Variants in STAT3 observed in about 807,000 individuals in gnomAD.
The protein encoded by STAT3 is signal transducer and activator of transcription 3, also known as DNA-binding protein APRF.
Under a neutral mutation model 114.3 loss-of-function variants are expected in STAT3, and 7 were observed. The ratio of observed to expected loss-of-function variants is 0.06; its 90% CI spans 0.03 to 0.11. The LOEUF is 0.11. STAT3 is among the 10% of genes least tolerant of loss of function. The pLI is 1.00. For synonymous variants in STAT3, 331 were observed against 354.5 expected, an observed-to-expected ratio of 0.93 and a Z score of 0.74; for missense variants, 364 against 960.9, an observed-to-expected ratio of 0.38 and a Z score of 8.21.
chr17:42,316,163 C>T, intron 23 of STAT3: 3 of 935,066 alleles, frequency 3.2e-6, no homozygotes, highest in Non-Finnish European at 4.2e-6. Flanking sequence ...CTGTGGCTGT[C>T]AAAAGCCCAC....
chr17:42,342,165 G>A lies in STAT3; in HGVS notation c.373-2756C>T, dbSNP rs1435228032. ...GTTACCTACCACCTCGCTCACACCT[G>A]AGCATATCAGTTTTCTGCTTAAAAT... On this transcript the variant is annotated intron_variant, in intron 4 of 23. Coordinates refer to ENST00000264657, the MANE Select transcript of STAT3 (RefSeq NM_139276.3). Among the ~76,000 whole-genome samples the A allele has an allele frequency of 5.3e-5, 8 of 152,214 alleles. No homozygotes were observed. The East Asian group carries it at 1.5e-3, about 29-fold the overall frequency.
rs1406579500 is a variant in STAT3 at position 42,388,397 on chromosome 17, G to T, written c.-142C>A. The T allele has an allele frequency of 2.4e-6, 3 of 1,231,666 alleles. No homozygotes were observed. The highest frequency in any genetic ancestry group is 3.0e-6 in the Non-Finnish European group (3 of 987,890). 76.3% of individuals were successfully genotyped at this position (1,231,666 alleles called of 1,614,324 possible). On this transcript the variant is annotated 5_prime_UTR_variant, in exon 1 of 24. Coordinates refer to ENST00000264657, the MANE Select transcript of STAT3 (RefSeq NM_139276.3). ...AGGGGGAGAGACAGCGCCAAGCCGG[G>T]GTGCCTGTCCAGGATCCGGTTGGGG...
chr17:42,326,817 CTCAA>C (rs1223542696), intron 14 of STAT3, among the ~76,000 whole-genome samples: 1 of 152,108 alleles, frequency 6.6e-6, no homozygotes, highest in Admixed American at 6.5e-5. Context: ...GAGACTCTGT[CTCAA>C]TCAATCAGTC....
rs531812765 is a variant in STAT3, at chr17:42,345,457, C to A, written c.372+102G>T. On this transcript the variant is annotated intron_variant, in intron 4 of 23. Coordinates refer to ENST00000264657, the MANE Select transcript of STAT3 (RefSeq NM_139276.3). ...TTATGATTATTGATCTATTTAATTT[C>A]TTTTCCTTCTTTTTTAGTAGATCTA... 12 of 1,000,124 alleles carry A rather than the reference C, an allele frequency of 1.2e-5. No individual in the cohort carries two copies. The East Asian group carries it at 2.6e-4, about 22-fold the overall frequency. 62.0% of individuals were successfully genotyped at this position (1,000,124 alleles called of 1,614,324 possible). A position where few individuals can be genotyped will look rare whatever the true frequency, so the allele number is the denominator to read the frequency against.
chr17:42,313,814 T>C lies in STAT3; in HGVS notation c.*1931A>G, dbSNP rs138326799. The stretch of plus-strand genomic sequence containing the variant: ...GTTAAGCTTATTATGTACTGAAGAG[T>C]GTTGCTGGAGAAGTAAGAGCTCTGC... On this transcript the variant is annotated 3_prime_UTR_variant, in exon 24 of 24. Coordinates refer to ENST00000264657, the MANE Select transcript of STAT3 (RefSeq NM_139276.3). 7.1e-3 allele frequency: 1,651 copies of C among 232,894 alleles called. 16 individuals are homozygous for C. The highest frequency in any genetic ancestry group is 0.013 in the Middle Eastern group (10 of 780). The allele number at this position is 232,894 out of a possible 1,614,324, so 14.4% of individuals were successfully genotyped here.
chr17:42,324,886 G>A lies in STAT3; in HGVS notation c.1465-40C>T. ...ACATTTGCTTGTTTAGATGAGGGAT[G>A]GTGCTCATTGTCTATACTAGGTACC... is the stretch of plus-strand genomic sequence containing the variant. On this transcript the variant is annotated intron_variant, in intron 16 of 23. Coordinates refer to ENST00000264657, the MANE Select transcript of STAT3 (RefSeq NM_139276.3). This position sits in a 1 kb window ranked among gnomAD's most constrained non-coding sequence, Gnocchi z 4.5. The A allele has an allele frequency of 6.2e-7, 1 of 1,614,170 alleles. No homozygotes were observed. The highest frequency in any genetic ancestry group is 8.5e-7 in the Non-Finnish European group (1 of 1,180,032).
chr17:42,364,047 C>A lies in STAT3; in HGVS notation c.-23-15508G>T, dbSNP rs541520783. Among the ~76,000 whole-genome samples, 5 of 152,204 alleles carry A rather than the reference C, an allele frequency of 3.3e-5. No individual in the cohort carries two copies. The South Asian group carries it at 8.3e-4, about 25-fold the overall frequency. On this transcript the variant is annotated intron_variant, in intron 1 of 23. Transcript: ENST00000264657. ...TTGAGGAGCAGCTCTCTGCTGGCAA[C>A]CACGTACCATCCTGATTTAGAACTT...
intron 1 of STAT3, among the ~76,000 whole-genome samples, chr17:42,370,594 G>A (rs2084062589): frequency 6.7e-6 from 1 of 150,322 alleles, no homozygotes; most frequent in Non-Finnish European, 1.5e-5. Context: ...AGATTGTTTG[G>A]TTTTTGCTTC....
intron 1 of STAT3, among the ~76,000 whole-genome samples, chr17:42,384,135 T>A (rs867417344): frequency 2.2e-5 from 3 of 139,520 alleles, no homozygotes; most frequent in Non-Finnish European, 3.1e-5. Flanking sequence ...TTTATTTATT[T>A]TTTTTTTTTT....
chr17:42,381,570 A>T (rs946843968), intron 1 of STAT3, among the ~76,000 whole-genome samples: 10 of 127,700 alleles, frequency 7.8e-5, no homozygotes, highest in Admixed American at 3.8e-4. Context: ...CTAAAAATAT[A>T]AAAAAAAAAA....
In STAT3 at chr17:42,346,247, T is replaced by A. The variant is rs537121449; in HGVS notation, c.273+322A>T. Among the ~76,000 whole-genome samples, 11 of 152,276 alleles carry A rather than the reference T, an allele frequency of 7.2e-5. No homozygotes were observed. In the South Asian group the frequency reaches 2.3e-3, roughly 32 times the overall value. On this transcript the variant is annotated intron_variant, in intron 3 of 23. Transcript: ENST00000264657. ...AAGCTACTGACTTAGTCAAGAAGTATCCCATTATGGTCAAACATTTAACAT... is the reference window on the plus strand; with the variant it reads ...AAGCTACTGACTTAGTCAAGAAGTAACCCATTATGGTCAAACATTTAACAT...
Position 42,331,485 on chromosome 17 carries a change from C to T in STAT3, c.1096G>A (p.Val366Met), listed in dbSNP as rs1450095389. The T allele has an allele frequency of 6.2e-7, 1 of 1,613,780 alleles. No homozygotes were observed. Among genetic ancestry groups the T allele is most frequent in the Non-Finnish European group, 8.5e-7 (1 of 1,179,864 alleles). ...PELNYQLKIK[V>M]CIDKDSGDVA... ...AGGAGTACTTACTTGTCAATGCACACTTTAATTTTAAGCTGATAATTCAAC... is the reference window on the plus strand; with the variant it reads ...AGGAGTACTTACTTGTCAATGCACATTTTAATTTTAAGCTGATAATTCAAC... The change falls in exon 11 of 24, where the codon GTG becomes ATG. Residue 366 changes from valine (V) to methionine (M), a missense_variant. By Grantham distance (21) the Val-to-Met change is conservative (BLOSUM62 1). Coordinates refer to ENST00000264657, the MANE Select transcript of STAT3 (RefSeq NM_139276.3).
At chr17:42,322,595 G>A in intron 20 of STAT3, 101 bp from the exon 21 acceptor site, 1 of 1,321,466 alleles carries the variant, frequency 7.6e-7, no homozygotes, top group South Asian at 1.2e-5. Flanking sequence ...AAAGACTTAA[G>A]CCACCCTAGT....
intron 1 of STAT3, among the ~76,000 whole-genome samples, chr17:42,369,030 AAG>A (rs1248030403): frequency 6.6e-6 from 1 of 152,118 alleles, no homozygotes; most frequent in Non-Finnish European, 1.5e-5. Context: ...TTACTTTGCT[AAG>A]GATAATAGCC....
rs2081205232 is a variant in STAT3, at chr17:42,315,208, TTTAA to T, written c.*533_*536del. The T allele has an allele frequency of 4.0e-6, 1 of 249,920 alleles. No individual in the cohort carries two copies. The highest frequency in any genetic ancestry group is 7.8e-6 in the Non-Finnish European group (1 of 127,598). 15.5% of individuals were successfully genotyped at this position (249,920 alleles called of 1,614,324 possible). ...TATGCTGATACAGTGTTTTTTGCCC[TTTAA>T]TTGTTATTATTTCTTAATTTAAAAA... On this transcript the variant is annotated 3_prime_UTR_variant, in exon 24 of 24. Coordinates refer to ENST00000264657, the MANE Select transcript of STAT3 (RefSeq NM_139276.3).
intron 1 of STAT3, among the ~76,000 whole-genome samples, chr17:42,384,194 T>C (rs1279231712): frequency 1.3e-5 from 2 of 150,844 alleles, no homozygotes; most frequent in Non-Finnish European, 2.9e-5. Flanking sequence ...AGTGGTGCGA[T>C]ATCGGCTCAC....
intron 1 of STAT3, among the ~76,000 whole-genome samples, chr17:42,370,942 G>C (rs750067171): frequency 2.1e-4 from 32 of 152,040 alleles, no homozygotes; most frequent in Non-Finnish European, 4.0e-4. Flanking sequence ...AGTATTTCTA[G>C]GTGTTTTGTA....
intron 1 of STAT3, among the ~76,000 whole-genome samples, chr17:42,383,696 G>A (rs980973750): frequency 5.3e-5 from 8 of 152,182 alleles, no homozygotes; most frequent in African/African-American, 1.9e-4. Context: ...GCCCAGCAAT[G>A]CCATCCTCCT....
rs1025230203 is a variant in STAT3 at position 42,316,783 on chromosome 17, A to G, written c.2257+6T>C. 6.2e-7 allele frequency: 1 copy of G among 1,613,026 alleles called. No individual in the cohort carries two copies. The highest frequency in any genetic ancestry group is 1.3e-5 in the African/African-American group (1 of 74,648). The stretch of plus-strand genomic sequence containing the variant: ...TAGGGACAAAGTCTGTCAACCAAAT[A>G]CTCACCAAACTGCCCTCCTGCTGAG... On this transcript the variant is annotated splice_donor_region_variant and intron_variant, in intron 23 of 23. Coordinates refer to ENST00000264657, the MANE Select transcript of STAT3 (RefSeq NM_139276.3).
Sources: gnomAD v4.1 joint callset for allele counts (sites outside exome capture counted in the v4.1 genomes callset) on GRCh38, gnomAD v4.1.1 for gene constraint, Gnocchi (gnomAD v3.1) non-coding constraint, MANE v1.5 for transcripts, NCBI Gene and HGNC (gene_info 2026-07-23, HGNC 2026-07-21) for gene names.